The following DGKB variants were observed in gnomAD, a reference collection of about 807,000 sequenced individuals.
DGKB encodes diacylglycerol kinase beta.
DGKB carries 67 observed loss-of-function variants against 114.3 expected under a neutral mutation model. The observed-to-expected ratio is 0.59, with a 90% confidence interval of 0.48 to 0.72. The LOEUF (loss-of-function observed/expected upper bound fraction) is 0.72, where lower values mean the gene tolerates loss of function less well. Ranked by LOEUF, DGKB falls within the 30% of genes least tolerant of loss-of-function variation. The pLI, the probability that DGKB is intolerant of heterozygous loss-of-function variation, is 0.00. For missense variants in DGKB, 907 were observed against 975.2 expected (o/e 0.93, Z 0.93); for synonymous variants, 398 against 323.1 (o/e 1.23, Z -2.49).
At chr7:14,264,597 T>A (rs1479578039) in intron 23 of DGKB, among the ~76,000 whole-genome samples, 1 of 152,314 alleles carries the variant, frequency 6.6e-6, no homozygotes, top group East Asian at 1.9e-4. Flanking sequence ...AATTTTTAGA[T>A]CTATGAGTTG....
At chr7:14,623,674 T>TA (rs1354837603) in intron 14 of DGKB, among the ~76,000 whole-genome samples, 1 of 152,154 alleles carries the variant, frequency 6.6e-6, no homozygotes, top group Non-Finnish European at 1.5e-5. Context: ...GATGCCATAA[T>TA]AGGATTCCTG....
chr7:14,393,115 G>A (rs974535986), intron 21 of DGKB, among the ~76,000 whole-genome samples: 10 of 150,498 alleles, frequency 6.6e-5, no homozygotes, highest in Non-Finnish European at 8.9e-5. Context: ...TCAGCCTCCC[G>A]CGTAGCTGGG....
intron 23 of DGKB, among the ~76,000 whole-genome samples, chr7:14,236,758 AC>A (rs1792850463): frequency 1.3e-5 from 2 of 151,990 alleles, no homozygotes; most frequent in African/African-American, 4.8e-5. Flanking sequence ...ACAACTTAAC[AC>A]ATGAAAGCCA....
chr7:14,772,692 T>C (rs1837595448), intron 2 of DGKB, among the ~76,000 whole-genome samples: 1 of 152,194 alleles, frequency 6.6e-6, no homozygotes, highest in Non-Finnish European at 1.5e-5. Flanking sequence ...TGGAAAGAGA[T>C]ATCCAATGTG....
Position 14,552,608 on chromosome 7 carries a change from T to C in DGKB, c.1770+21604A>G, listed in dbSNP as rs76804006. On this transcript the variant is annotated intron_variant, in intron 20 of 25. Transcript: ENST00000402815. ...GATAAGGAATATGTCACCATGTTTTTTATGTTTTTAAACACGAAAAGCTAT... is the reference window on the plus strand; with the variant it reads ...GATAAGGAATATGTCACCATGTTTTCTATGTTTTTAAACACGAAAAGCTAT... Among the ~76,000 whole-genome samples the C allele has an allele frequency of 5.4e-3, 830 of 152,344 alleles. 6 individuals carry two copies. Among genetic ancestry groups the C allele is most frequent in the Middle Eastern group, 0.02 (6 of 294 alleles).
At chr7:14,853,282 T>C (rs898818364) in intron 1 of DGKB, among the ~76,000 whole-genome samples, 4 of 152,000 alleles carry the variant, frequency 2.6e-5, no homozygotes, top group Admixed American at 2.0e-4. Context: ...AATAGAAAAA[T>C]ACATATTTTG....
At chr7:14,323,301 T>C (rs796627381) in intron 23 of DGKB, among the ~76,000 whole-genome samples, 18 of 152,300 alleles carry the variant, frequency 1.2e-4, no homozygotes, top group African/African-American at 4.3e-4. Flanking sequence ...TAGGGGTTTC[T>C]GTGGTGTTGG....
intron 1 of DGKB, among the ~76,000 whole-genome samples, chr7:14,847,205 G>A (rs901146994): frequency 6.6e-6 from 1 of 151,604 alleles, no homozygotes; most frequent in African/African-American, 2.4e-5. Flanking sequence ...GCAGGAGAAT[G>A]GCGTGAACCC....
chr7:14,244,114 C>T (rs971123841), intron 23 of DGKB, among the ~76,000 whole-genome samples: 3 of 151,862 alleles, frequency 2.0e-5, no homozygotes, highest in African/African-American at 7.3e-5. Context: ...GGGAATAAGG[C>T]GGCTTCTGAC....
chr7:14,784,773 G>T (rs1839633981), intron 2 of DGKB, among the ~76,000 whole-genome samples: 1 of 148,530 alleles, frequency 6.7e-6, no homozygotes, highest in East Asian at 2.0e-4. Flanking sequence ...GTTTAATTTT[G>T]TTTGCCCCAG....
chr7:14,620,192 T>A (rs1397844080), intron 15 of DGKB, among the ~76,000 whole-genome samples: 1 of 151,422 alleles, frequency 6.6e-6, no homozygotes, highest in African/African-American at 2.4e-5. Flanking sequence ...TTTACTTTTT[T>A]AAAATTAAAT....
intron 17 of DGKB, among the ~76,000 whole-genome samples, chr7:14,592,276 C>T (rs1343419999): frequency 1.4e-5 from 2 of 144,732 alleles, no homozygotes; most frequent in East Asian, 4.0e-4. Flanking sequence ...TCCAAAATGA[C>T]TTTACCATAT....
chr7:14,688,097 A>T (rs1240920280), intron 9 of DGKB, among the ~76,000 whole-genome samples: 2 of 151,942 alleles, frequency 1.3e-5, no homozygotes, highest in Non-Finnish European at 2.9e-5. Flanking sequence ...TTATACTCCA[A>T]CTCTCTATTT....
intron 1 of DGKB, among the ~76,000 whole-genome samples, chr7:14,970,294 T>A (rs929122620): frequency 6.6e-6 from 1 of 152,064 alleles, no homozygotes; most frequent in Non-Finnish European, 1.5e-5. Context: ...TTGAACAACA[T>A]AGAGTTTCTT....
intron 20 of DGKB, among the ~76,000 whole-genome samples, chr7:14,488,904 T>A (rs1784226678): frequency 6.7e-6 from 1 of 148,542 alleles, no homozygotes; most frequent in African/African-American, 2.5e-5. Context: ...TTTCTAGAAA[T>A]CTAAACAACA....
intron 23 of DGKB, among the ~76,000 whole-genome samples, chr7:14,322,413 C>T (rs1807992936): frequency 6.6e-6 from 1 of 152,102 alleles, no homozygotes; most frequent in Non-Finnish European, 1.5e-5. Context: ...TCAATAAATA[C>T]TGCTGGGTCA....
intron 5 of DGKB, among the ~76,000 whole-genome samples, chr7:14,734,973 A>T (rs1831497135): frequency 6.6e-6 from 1 of 152,126 alleles, no homozygotes; most frequent in African/African-American, 2.4e-5. Context: ...GTCGCGGGAG[A>T]AGGGGCTGGA....
At chr7:14,626,967 C>G (rs1009652865) in intron 14 of DGKB, among the ~76,000 whole-genome samples, 2 of 151,946 alleles carry the variant, frequency 1.3e-5, no homozygotes, top group African/African-American at 4.8e-5. Context: ...TTTACCATTG[C>G]TATGTTACCA....
intron 7 of DGKB, among the ~76,000 whole-genome samples, chr7:14,699,546 T>C (rs1824731629): frequency 6.6e-6 from 1 of 152,214 alleles, no homozygotes; most frequent in South Asian, 2.1e-4. Context: ...TTGTTTGCCG[T>C]ATTGCAAATG....
Sources: gnomAD v4.1 joint callset for allele counts (sites outside exome capture counted in the v4.1 genomes callset) on GRCh38, gnomAD v4.1.1 for gene constraint, MANE v1.5 for transcripts, NCBI Gene and HGNC (gene_info 2026-07-23, HGNC 2026-07-21) for gene names.